Variants in MAP3K7CL observed in about 807,000 individuals in gnomAD.
The protein encoded by MAP3K7CL is MAP3K7 C-terminal-like protein.
Under a neutral mutation model 18.6 loss-of-function variants are expected in MAP3K7CL, and 16 were observed. The observed-to-expected ratio is 0.86, with a 90% CI of 0.58 to 1.31. MAP3K7CL has a LOEUF of 1.31. MAP3K7CL is among the 50% of genes most tolerant of loss of function. The pLI, the probability that MAP3K7CL is intolerant of heterozygous loss-of-function variation, is 0.00. For missense variants in MAP3K7CL, 163 were observed against 174.4 expected (o/e 0.93, Z 0.37); for synonymous variants, 65 against 66.8 (o/e 0.97, Z 0.13).
chr21:29,081,605 T>A (rs531963014), upstream of MAP3K7CL, among the ~76,000 whole-genome samples: 17 of 152,362 alleles, frequency 1.1e-4, no homozygotes, highest in South Asian at 3.5e-3. Flanking sequence ...CCCAACTTGG[T>A]TCTGATGGAC....
At position 29,174,784 on chromosome 21, in the gene MAP3K7CL, C is replaced by G; in HGVS notation, c.321C>G (p.Phe107Leu). 1.2e-6 allele frequency: 2 copies of G among 1,614,072 alleles called. No homozygotes were observed. Among genetic ancestry groups the G allele is most frequent in the Non-Finnish European group, 1.7e-6 (2 of 1,180,002 alleles). Residue 107 changes from phenylalanine to leucine, a missense_variant, in exon 5 of 5, where the codon TTC becomes TTG. Coordinates refer to ENST00000399928, the MANE Select transcript of MAP3K7CL (RefSeq NM_001286620.2). ...ATGCTGCTGAGCTGGTTCGGGAATT[C>G]GAGGCTCTGACGGAGGAGAATCGGA... Reference protein sequence around the residue: ...KVDAAELVREFEALTEENRTL... With the variant: ...KVDAAELVRELEALTEENRTL...
chr21:29,130,452 G>A (rs2086757678), upstream of MAP3K7CL: 2 of 349,242 alleles, frequency 5.7e-6, no homozygotes, highest in Admixed American at 6.5e-5. Context: ...ATCTTTGCCA[G>A]TTTGCTGGAA....
intron 3 of MAP3K7CL, among the ~76,000 whole-genome samples, chr21:29,152,480 A>C (rs2087299504): frequency 6.6e-6 from 1 of 152,194 alleles, no homozygotes; most frequent in African/African-American, 2.4e-5. Context: ...TCCACTATGG[A>C]AGAGTAAAAG....
intron 1 of MAP3K7CL, among the ~76,000 whole-genome samples, chr21:29,132,092 G>A (rs1420378790): frequency 2.0e-5 from 3 of 152,118 alleles, no homozygotes; most frequent in Non-Finnish European, 4.4e-5. Context: ...AGGGTTTAGG[G>A]GAGGTGGGAC....
intron 4 of MAP3K7CL, among the ~76,000 whole-genome samples, chr21:29,092,770 C>T (rs982809776): frequency 6.6e-6 from 1 of 152,218 alleles, no homozygotes; most frequent in Admixed American, 6.5e-5. Flanking sequence ...ATTGTGATTT[C>T]ACTTTCTCAC....
chr21:29,119,732 G>A (rs548239157), intron 4 of MAP3K7CL, among the ~76,000 whole-genome samples: 1 of 147,296 alleles, frequency 6.8e-6, no homozygotes, highest in East Asian at 2.0e-4. Context: ...ACATGATCTC[G>A]GCTCACTGCA....
At chr21:29,147,825 CTG>C (rs577982207) in intron 2 of MAP3K7CL, among the ~76,000 whole-genome samples, 123 of 150,974 alleles carry the variant, frequency 8.1e-4, no homozygotes, top group Non-Finnish European at 1.3e-3. Flanking sequence ...ATAAACCTAA[CTG>C]TATCTGTACT....
chr21:29,124,107 C>T (rs1438244631), intron 4 of MAP3K7CL, among the ~76,000 whole-genome samples: 1 of 152,022 alleles, frequency 6.6e-6, no homozygotes, highest in East Asian at 1.9e-4. Flanking sequence ...GTAATCCCAG[C>T]ACTTTGGGAG....
At chr21:29,092,662 T>C in intron 4 of MAP3K7CL, 2 of 1,533,708 alleles carry the variant, frequency 1.3e-6, no homozygotes, top group Non-Finnish European at 1.8e-6. Flanking sequence ...TAAGGCTGGT[T>C]GGGCAGCACC....
chr21:29,147,884 T>C (rs2087174599), intron 2 of MAP3K7CL, among the ~76,000 whole-genome samples: 3 of 151,858 alleles, frequency 2.0e-5, no homozygotes, highest in African/African-American at 7.3e-5. Context: ...ATTATATGTA[T>C]GTGTATGTGT....
chr21:29,132,634 C>A (rs967245265), intron 1 of MAP3K7CL, among the ~76,000 whole-genome samples: 3 of 152,018 alleles, frequency 2.0e-5, no homozygotes, highest in Non-Finnish European at 4.4e-5. Context: ...CTCAGCTTCC[C>A]AAGTAGCTGG....
In MAP3K7CL at chr21:29,174,770, C is replaced by T. The variant is rs747997082; in HGVS notation, c.307C>T (p.Leu103=). The T allele has an allele frequency of 5.0e-6, 8 of 1,613,996 alleles. No homozygotes were observed. The South Asian group carries it at 8.8e-5, about 18-fold the overall frequency. Residue 103 remains leucine (L), a synonymous_variant, in exon 5 of 5, where the codon CTG becomes TTG. Coordinates refer to ENST00000399928, the MANE Select transcript of MAP3K7CL (RefSeq NM_001286620.2). ...AEKEKVDAAE[L]VREFEALTEE... is the part of the protein sequence containing the mutation. ...AAAGGAGAAGGTGGATGCTGCTGAG[C>T]TGGTTCGGGAATTCGAGGCTCTGAC...
intron 4 of MAP3K7CL, among the ~76,000 whole-genome samples, chr21:29,100,343 A>G (rs1161423531): frequency 6.6e-6 from 1 of 152,222 alleles, no homozygotes; most frequent in Non-Finnish European, 1.5e-5. Flanking sequence ...GAGGAGGGGT[A>G]TGAAATTTTA....
upstream of MAP3K7CL, among the ~76,000 whole-genome samples, chr21:29,082,012 G>A (rs868587430): frequency 3.3e-5 from 5 of 152,308 alleles, no homozygotes; most frequent in South Asian, 1.0e-3. Context: ...AAAGACCTGG[G>A]TTTGATAAGT....
At chr21:29,156,665 A>T (rs749061565) in intron 3 of MAP3K7CL, among the ~76,000 whole-genome samples, 2 of 152,228 alleles carry the variant, frequency 1.3e-5, no homozygotes, top group Non-Finnish European at 2.9e-5. Context: ...TCACAAAGCA[A>T]TGAGAGTTAT....
chr21:29,112,820 T>A (rs1464622032), intron 4 of MAP3K7CL, among the ~76,000 whole-genome samples: 1 of 148,936 alleles, frequency 6.7e-6, no homozygotes, highest in African/African-American at 2.5e-5. Context: ...CTTTGGAAAT[T>A]TTTTTTTTTT....
At chr21:29,081,507 C>T (rs1480412997), upstream of MAP3K7CL, among the ~76,000 whole-genome samples, 2 of 152,154 alleles carry the variant, frequency 1.3e-5, no homozygotes, top group Admixed American at 6.5e-5. Flanking sequence ...GAGCCGAGAT[C>T]GCGCCACTGC....
intron 4 of MAP3K7CL, among the ~76,000 whole-genome samples, chr21:29,106,221 C>T (rs986443192): frequency 6.6e-6 from 1 of 152,062 alleles, no homozygotes; most frequent in African/African-American, 2.4e-5. Context: ...GAGTATTGCT[C>T]TGTCGCCCAG....
At chr21:29,120,470 T>C (rs2086573354) in intron 4 of MAP3K7CL, among the ~76,000 whole-genome samples, 1 of 152,190 alleles carries the variant, frequency 6.6e-6, no homozygotes, top group Admixed American at 6.5e-5. Flanking sequence ...GAATTTACAG[T>C]AGCTGTCTTA....
Sources: allele counts gnomAD v4.1 joint callset (sites outside exome capture counted in the v4.1 genomes callset), GRCh38; gene constraint gnomAD v4.1.1; transcripts MANE v1.5; gene names NCBI Gene and HGNC (gene_info 2026-07-23, HGNC 2026-07-21).